The following ZSCAN12 variants were observed in gnomAD, a reference collection of about 807,000 sequenced individuals.
The protein encoded by ZSCAN12 is zinc finger and SCAN domain containing 12.
ZSCAN12 carries 18 observed loss-of-function variants against 23.4 expected under a neutral mutation model. The ratio of observed to expected loss-of-function variants is 0.77; its 90% CI spans 0.53 to 1.14. ZSCAN12 has a LOEUF of 1.14. Ranked by LOEUF, ZSCAN12 falls within the 50% of genes most tolerant of loss-of-function variation. The pLI is 0.00. For synonymous variants in ZSCAN12, 186 were observed against 253.4 expected (o/e 0.73, Z 2.53); for missense variants, 650 against 735.0 (o/e 0.88, Z 1.34).
chr6:28,393,098 A>G (rs1760938178), intron 2 of ZSCAN12, 52 bp from the exon 3 acceptor site: 1 of 1,538,554 alleles, frequency 6.5e-7, no homozygotes, highest in Admixed American at 2.0e-5. Flanking sequence ...CAGAAAACAA[A>G]AAGTATACTA....
In ZSCAN12 at chr6:28,390,913, A is replaced by G; in HGVS notation, c.1377T>C (p.His459=). The change falls in exon 4 of 4, where the codon CAT becomes CAC. Residue 459 remains histidine, a synonymous_variant. Transcript: ENST00000684592. ...KSFSQSGLIQ[H]QRIHTGEKPY... ...GTTTTTCCCCAGTGTGAATTCTCTG[A>G]TGCTGAATAAGGCCACTCTGACTGA... is the stretch of plus-strand genomic sequence containing the variant. 1 of 1,567,102 alleles carries G rather than the reference A, an allele frequency of 6.4e-7. No homozygotes were observed. The highest frequency in any genetic ancestry group is 8.7e-7 in the Non-Finnish European group (1 of 1,155,452).
Position 28,385,820 on chromosome 6 carries a change from T to C in ZSCAN12, c.*4634A>G, listed in dbSNP as rs1159680615. Among the ~76,000 whole-genome samples, 6 of 152,348 alleles carry C rather than the reference T, an allele frequency of 3.9e-5. No individual in the cohort carries two copies. Among genetic ancestry groups the C allele is most frequent in the African/African-American group, 1.2e-4 (5 of 41,588 alleles). ...AATAAGAACAGCTTTGTTTTGACTA[T>C]AACAACTCTACAAATAATCTGTATA... On this transcript the variant is annotated 3_prime_UTR_variant, in exon 4 of 4. Transcript: ENST00000684592.
Position 28,391,015 on chromosome 6 carries a change from A to C in ZSCAN12, c.1275T>G (p.Tyr425Ter). The C allele has an allele frequency of 6.4e-7, 1 of 1,556,812 alleles. No individual in the cohort carries two copies. The highest frequency in any genetic ancestry group is 1.2e-5 in the South Asian group (1 of 84,364). The change falls in exon 4 of 4, where the codon TAT becomes TAG. Residue 425 changes from tyrosine to a stop codon, truncating the protein, a stop_gained. Coordinates refer to ENST00000684592, the MANE Select transcript of ZSCAN12 (RefSeq NM_001163391.2). LOFTEE classifies it low-confidence loss of function (END_TRUNC). The surrounding 1 kb of genome is among the most constrained non-coding windows in gnomAD (Gnocchi z 4.1). The part of the protein sequence containing the change: ...ECNECGKAFV[Y>*]NSSLVSHQEI... ...CCTGATGGGAAACAAGGGATGAGTT[A>C]TAAACAAAGGCTTTTCCACACTCGT...
chr6:28,383,819 TAGG>T (rs1000725769), downstream of ZSCAN12, among the ~76,000 whole-genome samples: 2 of 152,224 alleles, frequency 1.3e-5, no homozygotes, highest in East Asian at 3.9e-4. Context: ...ATCTCAGGGC[TAGG>T]AGGACTGTGC....
rs1760476967 is a variant in ZSCAN12 at position 28,385,137 on chromosome 6, G to C, written c.*5317C>G. ...AATATAAAATCACTTTTGAAAACTG[G>C]CATTAAAGATAGATCCATAATGGGT... On this transcript the variant is annotated 3_prime_UTR_variant, in exon 4 of 4. Transcript: ENST00000684592. Among the ~76,000 whole-genome samples, 1 of 152,090 alleles carries C rather than the reference G, an allele frequency of 6.6e-6. No homozygotes were observed. The highest frequency in any genetic ancestry group is 1.5e-5 in the Non-Finnish European group (1 of 68,026).
Position 28,390,462 on chromosome 6 carries a change from A to T in ZSCAN12, c.1828T>A (p.Ser610Thr). Reference sequence around the variant, plus strand: ...TAACTTCCCTGTAGTCATCACACAGAAACAGATTTTTCTCCTTTGTGGATA... The same window carrying T: ...TAACTTCCCTGTAGTCATCACACAGTAACAGATTTTTCTCCTTTGTGGATA... ...QTIHKGEKSV[S>T]V The change falls in exon 4 of 4, where the codon TCT becomes ACT. Residue 610 changes from serine to threonine, a missense_variant. Coordinates refer to ENST00000684592, the MANE Select transcript of ZSCAN12 (RefSeq NM_001163391.2). 1 of 1,538,856 alleles carries T rather than the reference A, an allele frequency of 6.5e-7. No individual in the cohort carries two copies.
chr6:28,398,621 G>A (rs1761248523), intron 1 of ZSCAN12, 148 bp from the exon 2 acceptor site: 1 of 490,732 alleles, frequency 2.0e-6, no homozygotes, highest in African/African-American at 1.9e-5. Flanking sequence ...AAAGACTTAA[G>A]ATTAGACCGA....
chr6:28,395,023 C>G (rs1581781885), intron 2 of ZSCAN12, among the ~76,000 whole-genome samples: 1 of 152,064 alleles, frequency 6.6e-6, no homozygotes, highest in African/African-American at 2.4e-5. Context: ...CAACTTCCGA[C>G]TCCTGGGTTC....
At chr6:28,399,446 T>C (rs754325304) in intron 1 of ZSCAN12, among the ~76,000 whole-genome samples, 1 of 152,186 alleles carries the variant, frequency 6.6e-6, no homozygotes, top group Non-Finnish European at 1.5e-5. Flanking sequence ...GTATGGGCCT[T>C]ACAGCCTGGA....
rs1261471159 is a variant in ZSCAN12, at chr6:28,391,676, G to A, written c.614C>T (p.Pro205Leu). The change falls in exon 4 of 4, where the codon CCA becomes CTA. Residue 205 changes from proline to leucine, a missense_variant. Pro to Leu is a moderately conservative substitution (Grantham distance 98, BLOSUM62 -3). Transcript: ENST00000684592. The surrounding 1 kb of genome is among the most constrained non-coding windows in gnomAD (Gnocchi z 4.1). ...AAATTTACTGGATGTCTTCCCATGTGGTTCCATTTCTTCAGAAACTTCTTG... is the reference window on the plus strand; with the variant it reads ...AAATTTACTGGATGTCTTCCCATGTAGTTCCATTTCTTCAGAAACTTCTTG... ...LKQEVSEEME[P>L]HGKTSSKFEN... 1.3e-6 allele frequency: 2 copies of A among 1,549,102 alleles called. No homozygotes were observed.
chr6:28,382,556 G>A, downstream of ZSCAN12: 1 of 1,551,840 alleles, frequency 6.4e-7, no homozygotes, highest in Non-Finnish European at 8.7e-7. Context: ...ATTCACTCCA[G>A]CTTGGGGTTC....
In ZSCAN12 at chr6:28,394,218, T is replaced by C. The variant is rs893838669; in HGVS notation, c.403-1172A>G. Among the ~76,000 whole-genome samples, 27 of 152,328 alleles carry C rather than the reference T, an allele frequency of 1.8e-4. 1 individual carries two copies. The Middle Eastern group carries it at 0.01, about 58-fold the overall frequency. On this transcript the variant is annotated intron_variant, in intron 2 of 3. Coordinates refer to ENST00000684592, the MANE Select transcript of ZSCAN12 (RefSeq NM_001163391.2). ...AGCAGGGATTTGGAATCACATGGAT[T>C]ACTTACTCTCTCTCTTAGTCTAGTA...
rs1168826032 is a variant in ZSCAN12 at position 28,385,021 on chromosome 6, A to G, written c.*5433T>C. ...TGGAGTTAGGAGGGTCACCATTTGA[A>G]CTGTAAAATTGGTAAGTCTTAAGCA... On this transcript the variant is annotated 3_prime_UTR_variant, in exon 4 of 4. Coordinates refer to ENST00000684592, the MANE Select transcript of ZSCAN12 (RefSeq NM_001163391.2). Among the ~76,000 whole-genome samples the G allele has an allele frequency of 6.6e-6, 1 of 152,220 alleles. No homozygotes were observed. Among genetic ancestry groups the G allele is most frequent in the Admixed American group, 6.5e-5 (1 of 15,284 alleles).
rs1328710252 is a variant in ZSCAN12 at position 28,388,644 on chromosome 6, A to T, written c.*1810T>A. Among the ~76,000 whole-genome samples, 1 of 152,164 alleles carries T rather than the reference A, an allele frequency of 6.6e-6. No homozygotes were observed. Among genetic ancestry groups the T allele is most frequent in the Non-Finnish European group, 1.5e-5 (1 of 68,024 alleles). ...AGAAAGGTAATTAGGAGTGGGACTT[A>T]CTAAGGAAGAATGCAGATTACCCTT... On this transcript the variant is annotated 3_prime_UTR_variant, in exon 4 of 4. Transcript: ENST00000684592.
Position 28,385,675 on chromosome 6 carries a change from C to T in ZSCAN12, c.*4779G>A, listed in dbSNP as rs1760506661. Among the ~76,000 whole-genome samples the T allele has an allele frequency of 1.3e-5, 2 of 152,132 alleles. No homozygotes were observed. ...GCTTTAGATTATCTATTTCAGTTTC[C>T]CCAGCTGAAAGTGAAATGTTGTAAG... On this transcript the variant is annotated 3_prime_UTR_variant, in exon 4 of 4. Transcript: ENST00000684592.
In ZSCAN12 at chr6:28,391,673, T is replaced by C. The variant is rs1241457204; in HGVS notation, c.617A>G (p.His206Arg). The C allele has an allele frequency of 1.3e-6, 2 of 1,549,720 alleles. No homozygotes were observed. Reference protein sequence around the residue: ...KQEVSEEMEPHGKTSSKFEND... With the variant: ...KQEVSEEMEPRGKTSSKFEND... ...TTCAAATTTACTGGATGTCTTCCCA[T>C]GTGGTTCCATTTCTTCAGAAACTTC... The change falls in exon 4 of 4, where the codon CAT becomes CGT. Residue 206 changes from histidine to arginine, a missense_variant. By Grantham distance (29) the His-to-Arg change is conservative. Coordinates refer to ENST00000684592, the MANE Select transcript of ZSCAN12 (RefSeq NM_001163391.2). This position sits in a 1 kb window ranked among gnomAD's most constrained non-coding sequence, Gnocchi z 4.1.
intron 3 of ZSCAN12, among the ~76,000 whole-genome samples, chr6:28,392,644 G>A: frequency 6.6e-6 from 1 of 152,192 alleles, no homozygotes; most frequent in South Asian, 2.1e-4. Context: ...ATAGCAAGGA[G>A]GTCAGTATAA....
downstream of ZSCAN12, chr6:28,381,687 C>G (rs1760253593): frequency 6.6e-6 from 1 of 152,170 alleles, no homozygotes; most frequent in Non-Finnish European, 1.5e-5. Flanking sequence ...GAGATGCTCT[C>G]TCATCAGCTT....
intron 2 of ZSCAN12, 90 bp downstream of exon 2, chr6:28,397,914 A>G: frequency 7.1e-7 from 1 of 1,418,394 alleles, no homozygotes. Flanking sequence ...TGTCAAAAAC[A>G]TGCTTTGTGA....
Sources: gnomAD v4.1 joint callset for allele counts (sites outside exome capture counted in the v4.1 genomes callset) on GRCh38, gnomAD v4.1.1 for gene constraint, Gnocchi (gnomAD v3.1) non-coding constraint, MANE v1.5 for transcripts, NCBI Gene and HGNC (gene_info 2026-07-23, HGNC 2026-07-21) for gene names.